SHQ1: variants seen among roughly 807,000 people sequenced by gnomAD.
SHQ1 encodes the protein SHQ1, H/ACA ribonucleoprotein assembly factor, also known as protein SHQ1 homolog.
In SHQ1, 49 loss-of-function variants were observed where a neutral mutation model predicts 53.8. The ratio of observed to expected loss-of-function variants is 0.91; its 90% CI spans 0.72 to 1.16. The LOEUF is 1.16. Ranked by LOEUF, SHQ1 falls within the 50% of genes most tolerant of loss-of-function variation. The pLI is 0.00. For synonymous variants in SHQ1, 243 were observed against 251.0 expected (o/e 0.97, Z 0.30); for missense variants, 738 against 683.1 (o/e 1.08, Z -0.90).
chr3:72,733,097 T>C, the SHQ1 span, among the ~76,000 whole-genome samples: 2 of 151,528 alleles, frequency 1.3e-5, no homozygotes, highest in East Asian at 3.9e-4. Context: ...GTGCACAGAC[T>C]GTGCTCCCAG....
intron 10 of SHQ1, among the ~76,000 whole-genome samples, chr3:72,768,366 A>G (rs1474825945): frequency 1.3e-5 from 2 of 152,192 alleles, no homozygotes; most frequent in Non-Finnish European, 2.9e-5. Context: ...AGGAATACCA[A>G]GTGCAGAAGA....
the SHQ1 span, among the ~76,000 whole-genome samples, chr3:72,733,736 G>A: frequency 7.2e-5 from 11 of 151,794 alleles, no homozygotes; most frequent in African/African-American, 1.5e-4. Flanking sequence ...CAAAGCAGGC[G>A]AAGTGTGTCC....
chr3:72,757,537 G>A (rs943389411), intron 10 of SHQ1, among the ~76,000 whole-genome samples: 4 of 152,040 alleles, frequency 2.6e-5, no homozygotes, highest in African/African-American at 4.8e-5. Flanking sequence ...CTACGGGTAC[G>A]TGCCACTGAG....
Position 72,816,370 on chromosome 3 carries a change from T to C in SHQ1, c.882+860A>G, listed in dbSNP as rs1353037435. Reference sequence around the variant, plus strand: ...CTGAAATTACAGGAAATCTTAATTATTTTCTTCATGTGTATATTTTCCTTC... The same window carrying C: ...CTGAAATTACAGGAAATCTTAATTACTTTCTTCATGTGTATATTTTCCTTC... On this transcript the variant is annotated intron_variant, in intron 7 of 10. Coordinates refer to ENST00000325599, the MANE Select transcript of SHQ1 (RefSeq NM_018130.3). Among the ~76,000 whole-genome samples the C allele has an allele frequency of 1.1e-4, 16 of 152,208 alleles. 1 individual carries two copies. Among genetic ancestry groups the C allele is most frequent in the Non-Finnish European group, 2.9e-5 (2 of 68,028 alleles).
At chr3:72,770,205 T>A (rs182567018) in intron 10 of SHQ1, among the ~76,000 whole-genome samples, 4 of 152,334 alleles carry the variant, frequency 2.6e-5, no homozygotes, top group Admixed American at 2.6e-4. Context: ...ACAAATTGCA[T>A]GTGTTAGCTC....
chr3:72,822,992 A>G (rs1224259534), intron 6 of SHQ1, among the ~76,000 whole-genome samples: 1 of 152,050 alleles, frequency 6.6e-6, no homozygotes, highest in African/African-American at 2.4e-5. Flanking sequence ...TAGTAAAAAC[A>G]CAAAAAATTA....
In SHQ1 at chr3:72,809,446, A is replaced by G. The variant is rs991974304; in HGVS notation, c.1060+3225T>C. Among the ~76,000 whole-genome samples, 4 of 151,368 alleles carry G rather than the reference A, an allele frequency of 2.6e-5. No individual in the cohort carries two copies. In the East Asian group the frequency reaches 5.8e-4, roughly 22 times the overall value. On this transcript the variant is annotated intron_variant, in intron 9 of 10. Coordinates refer to ENST00000325599, the MANE Select transcript of SHQ1 (RefSeq NM_018130.3). ...ATATATATTCCATCCAAGAAGAAGG[A>G]AAAAAAAAGAACCCACAGAATGAGC...
At chr3:72,805,942 C>T (rs1706929512) in intron 9 of SHQ1, among the ~76,000 whole-genome samples, 1 of 152,224 alleles carries the variant, frequency 6.6e-6, no homozygotes, top group East Asian at 1.9e-4. Context: ...TGAGAGCAAT[C>T]TAAACATTTT....
chr3:72,804,253 C>T (rs1364355783), intron 9 of SHQ1, among the ~76,000 whole-genome samples: 1 of 152,050 alleles, frequency 6.6e-6, no homozygotes. Flanking sequence ...GGAGTCTCCC[C>T]TTTGTATCTT....
chr3:72,839,505 C>A (rs1451209381), intron 4 of SHQ1, among the ~76,000 whole-genome samples: 1 of 152,196 alleles, frequency 6.6e-6, no homozygotes, highest in Non-Finnish European at 1.5e-5. Context: ...GGAGTCTTTA[C>A]AGCATTCTAC....
At chr3:72,809,214 C>T (rs1358558208) in intron 9 of SHQ1, among the ~76,000 whole-genome samples, 1 of 152,144 alleles carries the variant, frequency 6.6e-6, no homozygotes. Context: ...TCCTCCCTGC[C>T]GCTGGTCACC....
chr3:72,834,507 G>C (rs928284855), intron 4 of SHQ1, among the ~76,000 whole-genome samples: 1 of 152,106 alleles, frequency 6.6e-6, no homozygotes, highest in African/African-American at 2.4e-5. Flanking sequence ...TCCAGCTTGG[G>C]CAATAGAGCA....
At chr3:72,790,814 G>T (rs1575695426) in intron 10 of SHQ1, among the ~76,000 whole-genome samples, 1 of 152,296 alleles carries the variant, frequency 6.6e-6, no homozygotes, top group Non-Finnish European at 1.5e-5. Flanking sequence ...AGAAAGTTAT[G>T]TTCAAATTGG....
intron 3 of SHQ1, among the ~76,000 whole-genome samples, chr3:72,841,818 G>C (rs1452538755): frequency 6.6e-6 from 1 of 152,198 alleles, no homozygotes. Context: ...CGCAGGCACA[G>C]TTCACAGTAA....
At chr3:72,783,079 A>C (rs1358145482) in intron 10 of SHQ1, among the ~76,000 whole-genome samples, 1 of 152,212 alleles carries the variant, frequency 6.6e-6, no homozygotes, top group Non-Finnish European at 1.5e-5. Context: ...CTCTGTAAAA[A>C]GCCATGGCTC....
At chr3:72,807,737 T>C (rs374454663) in intron 9 of SHQ1, among the ~76,000 whole-genome samples, 24 of 152,226 alleles carry the variant, frequency 1.6e-4, no homozygotes, top group East Asian at 9.6e-4. Context: ...TTTTAAAAAA[T>C]TGATCAGTCA....
chr3:72,735,538 C>T, the SHQ1 span, among the ~76,000 whole-genome samples: 261 of 140,542 alleles, frequency 1.9e-3, 4 homozygotes, highest in African/African-American at 6.3e-3. Flanking sequence ...AAGCAAGTCA[C>T]TTGGAGTCCA....
intron 9 of SHQ1, among the ~76,000 whole-genome samples, chr3:72,806,669 C>T (rs1706956850): frequency 6.6e-6 from 1 of 152,094 alleles, no homozygotes. Flanking sequence ...CATCTAATTC[C>T]AACAAACACA....
chr3:72,802,497 C>T (rs1288498328), intron 9 of SHQ1, among the ~76,000 whole-genome samples: 1 of 152,192 alleles, frequency 6.6e-6, no homozygotes, highest in Admixed American at 6.5e-5. Context: ...TCAGCCCGGT[C>T]CCAGCACACT....
Sources: allele counts gnomAD v4.1 joint callset (sites outside exome capture counted in the v4.1 genomes callset), GRCh38; gene constraint gnomAD v4.1.1; transcripts MANE v1.5; gene names NCBI Gene and HGNC (gene_info 2026-07-23, HGNC 2026-07-21).